Variants in PLXDC2 observed in about 807,000 individuals in gnomAD.
The protein encoded by PLXDC2 is plexin domain-containing protein 2.
A neutral mutation model predicts 68.9 loss-of-function variants in PLXDC2; 40 were observed. That is an observed-to-expected ratio of 0.58 (90% confidence interval 0.45 to 0.76). The LOEUF is 0.76. Ranked by LOEUF, PLXDC2 falls within the 30% of genes least tolerant of loss-of-function variation. The pLI is 0.00. For missense variants in PLXDC2, 644 were observed against 661.9 expected (o/e 0.97, Z 0.30); for synonymous variants, 243 against 234.2 (o/e 1.04, Z -0.34).
intron 2 of PLXDC2, 103 bp from the exon 3 acceptor site, chr10:20,046,766 C>T (rs1835805272): frequency 8.2e-7 from 1 of 1,217,358 alleles, no homozygotes; most frequent in Non-Finnish European, 1.1e-6. Flanking sequence ...TCATTTTGCT[C>T]TTTTAAAAAC....
At position 20,241,599 on chromosome 10, in the gene PLXDC2, A is replaced by G. The variant is rs148920735; in HGVS notation, c.1313-3746A>G. Among the ~76,000 whole-genome samples, 15 of 152,020 alleles carry G rather than the reference A, an allele frequency of 9.9e-5. No homozygotes were observed. The East Asian group carries it at 2.9e-3, about 29-fold the overall frequency. ...CCAGGAGTTCAAAATGAGCCTGGGC[A>G]ATATAGTGAGAATCTGCCTCTACAA... On this transcript the variant is annotated intron_variant, in intron 12 of 13. Coordinates refer to ENST00000377252, the MANE Select transcript of PLXDC2 (RefSeq NM_032812.9).
At chr10:20,079,964 CAAG>C (rs996440263) in intron 4 of PLXDC2, among the ~76,000 whole-genome samples, 1 of 151,472 alleles carries the variant, frequency 6.6e-6, no homozygotes, top group African/African-American at 2.4e-5. Context: ...AAACAAAAAA[CAAG>C]AAACAAAAAA....
rs1229889243 is a variant in PLXDC2 at position 20,284,589 on chromosome 10, T to C, written c.*4770T>C. ...GGGCAACAGAGCAAAACCCCATCTC[T>C]AAATAAAAAAAAAGAATCGTGAGAC... On this transcript the variant is annotated 3_prime_UTR_variant, in exon 14 of 14. Transcript: ENST00000377252. 6.6e-6 allele frequency: 1 copy of C among 151,454 alleles called. No homozygotes were observed. The highest frequency in any genetic ancestry group is 2.4e-5 in the African/African-American group (1 of 41,166). 9.4% of individuals were successfully genotyped at this position (151,454 alleles called of 1,614,324 possible).
At chr10:19,898,233 T>C (rs1375974272) in intron 1 of PLXDC2, among the ~76,000 whole-genome samples, 1 of 152,240 alleles carries the variant, frequency 6.6e-6, no homozygotes, top group Non-Finnish European at 1.5e-5. Context: ...GTGGCACATG[T>C]GCAGGCTTGT....
At chr10:19,971,449 A>G (rs1428404104) in intron 1 of PLXDC2, among the ~76,000 whole-genome samples, 1 of 152,184 alleles carries the variant, frequency 6.6e-6, no homozygotes, top group East Asian at 1.9e-4. Context: ...CGAAGTTGTT[A>G]TACCGGAAAT....
chr10:19,916,868 T>C lies in PLXDC2; in HGVS notation c.113-84907T>C, dbSNP rs552244947. 9.2e-5 allele frequency among the ~76,000 whole-genome samples: 14 copies of C among 152,292 alleles called. No homozygotes were observed. The East Asian group carries it at 2.5e-3, about 27-fold the overall frequency. On this transcript the variant is annotated intron_variant, in intron 1 of 13. Coordinates refer to ENST00000377252, the MANE Select transcript of PLXDC2 (RefSeq NM_032812.9). Reference sequence around the variant, plus strand: ...CAGGTATACTCATGATTTCCCAACATTGAGTCTCTAGAGCAAAATTCCATG... The same window carrying C: ...CAGGTATACTCATGATTTCCCAACACTGAGTCTCTAGAGCAAAATTCCATG...
chr10:19,982,170 T>C (rs1834561844), intron 1 of PLXDC2, among the ~76,000 whole-genome samples: 1 of 152,252 alleles, frequency 6.6e-6, no homozygotes, highest in South Asian at 2.1e-4. Context: ...AACTGAATTT[T>C]TGTAAAATCT....
chr10:19,824,556 C>T (rs1589485517), intron 1 of PLXDC2, among the ~76,000 whole-genome samples: 1 of 152,196 alleles, frequency 6.6e-6, no homozygotes, highest in Non-Finnish European at 1.5e-5. Context: ...CTGTAGAGTA[C>T]TCCATTCTGA....
intron 12 of PLXDC2, among the ~76,000 whole-genome samples, chr10:20,233,049 C>A (rs750757611): frequency 6.6e-6 from 1 of 151,898 alleles, no homozygotes; most frequent in Non-Finnish European, 1.5e-5. Context: ...CTTGGTGAAC[C>A]AGCATCTCTA....
intron 13 of PLXDC2, among the ~76,000 whole-genome samples, chr10:20,250,270 TCA>T (rs1835657699): frequency 2.7e-5 from 1 of 36,548 alleles, no homozygotes; most frequent in Admixed American, 2.1e-4. Flanking sequence ...AGATCCTGTT[TCA>T]AAAAAAAAAA....
intron 9 of PLXDC2, among the ~76,000 whole-genome samples, chr10:20,207,889 A>T (rs528802911): frequency 3.9e-5 from 6 of 152,268 alleles, no homozygotes; most frequent in African/African-American, 1.2e-4. Context: ...CTGTGTTGAC[A>T]GGAGGGTTGT....
Position 19,916,755 on chromosome 10 carries a change from T to C in PLXDC2, c.113-85020T>C, listed in dbSNP as rs868489352. Among the ~76,000 whole-genome samples, 14 of 152,156 alleles carry C rather than the reference T, an allele frequency of 9.2e-5. No individual in the cohort carries two copies. The South Asian group carries it at 2.5e-3, about 27-fold the overall frequency. ...TAGATCTGTGGATTAGAAATAAATATGTACAATACCTGGCACCTATTCAGT... is the reference window on the plus strand; with the variant it reads ...TAGATCTGTGGATTAGAAATAAATACGTACAATACCTGGCACCTATTCAGT... On this transcript the variant is annotated intron_variant, in intron 1 of 13. Coordinates refer to ENST00000377252, the MANE Select transcript of PLXDC2 (RefSeq NM_032812.9).
At chr10:20,138,062 T>C (rs1163604212) in intron 4 of PLXDC2, among the ~76,000 whole-genome samples, 1 of 152,364 alleles carries the variant, frequency 6.6e-6, no homozygotes, top group Non-Finnish European at 1.5e-5. Context: ...TTAACCTTTC[T>C]TAAATGTACG....
intron 1 of PLXDC2, among the ~76,000 whole-genome samples, chr10:19,948,946 A>C (rs768987113): frequency 6.6e-6 from 1 of 151,910 alleles, no homozygotes; most frequent in Admixed American, 6.6e-5. Flanking sequence ...CCTAGCCAAC[A>C]TGGTGAAACC....
At position 19,851,220 on chromosome 10, in the gene PLXDC2, C is replaced by T. The variant is rs188054741; in HGVS notation, c.112+34029C>T. Among the ~76,000 whole-genome samples the T allele has an allele frequency of 1.1e-4, 16 of 152,240 alleles. 1 individual carries two copies. The East Asian group carries it at 3.1e-3, about 29-fold the overall frequency. On this transcript the variant is annotated intron_variant, in intron 1 of 13. Transcript: ENST00000377252. ...TTTCTCTTGCTCCATTGTCATCATC[C>T]AAAGGAATAAAGTAACATAGATTAG...
chr10:19,974,164 A>C (rs180943137), intron 1 of PLXDC2, among the ~76,000 whole-genome samples: 1 of 152,254 alleles, frequency 6.6e-6, no homozygotes, highest in African/African-American at 2.4e-5. Context: ...AAGCTAGAGA[A>C]AGACTCAAAT....
At chr10:20,048,688 A>G (rs1835839529) in intron 3 of PLXDC2, among the ~76,000 whole-genome samples, 1 of 152,122 alleles carries the variant, frequency 6.6e-6, no homozygotes, top group Non-Finnish European at 1.5e-5. Context: ...GGAGTTCCTC[A>G]GTTAAAGTAT....
At chr10:19,820,122 T>C (rs1836435974) in intron 1 of PLXDC2, among the ~76,000 whole-genome samples, 1 of 152,320 alleles carries the variant, frequency 6.6e-6, no homozygotes, top group Non-Finnish European at 1.5e-5. Flanking sequence ...AGAACATTTA[T>C]ATCAAAGGTA....
chr10:20,080,878 C>G (rs1016697370), intron 4 of PLXDC2, among the ~76,000 whole-genome samples: 1 of 152,204 alleles, frequency 6.6e-6, no homozygotes, highest in Non-Finnish European at 1.5e-5. Context: ...GCCACTGCAA[C>G]CACAGATTGC....
Sources: gnomAD v4.1 joint callset for allele counts (sites outside exome capture counted in the v4.1 genomes callset) on GRCh38, gnomAD v4.1.1 for gene constraint, MANE v1.5 for transcripts, NCBI Gene and HGNC (gene_info 2026-07-23, HGNC 2026-07-21) for gene names.